Variants in CNTN3 observed in about 807,000 individuals in gnomAD.
The protein encoded by CNTN3 is contactin-3.
A neutral mutation model predicts 119.1 loss-of-function variants in CNTN3; 60 were observed. The observed-to-expected ratio is 0.50, with a 90% CI of 0.41 to 0.62. The LOEUF (loss-of-function observed/expected upper bound fraction) is 0.62, where lower values mean the gene tolerates loss of function less well. Ranked by LOEUF, CNTN3 falls within the 20% of genes least tolerant of loss-of-function variation. The pLI, the probability that CNTN3 is intolerant of heterozygous loss-of-function variation, is 0.00. For synonymous variants in CNTN3, 450 were observed against 438.7 expected, an observed-to-expected ratio of 1.03 and a Z score of -0.32; for missense variants, 1,101 against 1,242.4, an observed-to-expected ratio of 0.89 and a Z score of 1.71.
intron 2 of CNTN3, among the ~76,000 whole-genome samples, chr3:74,509,942 G>A (rs997357202): frequency 3.3e-5 from 5 of 151,230 alleles, no homozygotes; most frequent in Non-Finnish European, 5.9e-5. Flanking sequence ...CCTCATCCCC[G>A]GGCTTTATAC....
chr3:74,564,449 T>G (rs1199588627), intron 1 of CNTN3, among the ~76,000 whole-genome samples: 5 of 151,826 alleles, frequency 3.3e-5, no homozygotes, highest in Non-Finnish European at 7.4e-5. Context: ...AGCAAGAAAG[T>G]GGCCTCATGA....
At chr3:74,552,170 G>T (rs1704002246) in intron 1 of CNTN3, among the ~76,000 whole-genome samples, 2 of 152,118 alleles carry the variant, frequency 1.3e-5, no homozygotes, top group Admixed American at 1.3e-4. Flanking sequence ...CTTTATGGTT[G>T]TACCACAATT....
intron 4 of CNTN3, among the ~76,000 whole-genome samples, chr3:74,446,098 A>G (rs563460136): frequency 1.3e-5 from 2 of 152,306 alleles, no homozygotes; most frequent in East Asian, 3.9e-4. Flanking sequence ...CTGCAGAGTC[A>G]GAAGAACTGG....
intron 1 of CNTN3, among the ~76,000 whole-genome samples, chr3:74,575,231 T>G (rs942979766): frequency 6.6e-6 from 1 of 152,074 alleles, no homozygotes; most frequent in Non-Finnish European, 1.5e-5. Context: ...AAGTGTTTTC[T>G]ATCTATTAAA....
intron 10 of CNTN3, 110 bp downstream of exon 10, chr3:74,364,357 A>G: frequency 1.0e-6 from 1 of 980,522 alleles, no homozygotes; most frequent in East Asian, 2.6e-5. Flanking sequence ...AATACTGTAG[A>G]TATTATTAGA....
At chr3:74,592,552 T>C (rs1704721784) in intron 1 of CNTN3, among the ~76,000 whole-genome samples, 1 of 151,816 alleles carries the variant, frequency 6.6e-6, no homozygotes, top group African/African-American at 2.4e-5. Flanking sequence ...ACACCAGCAC[T>C]TTTTCTAGTT....
intron 2 of CNTN3, among the ~76,000 whole-genome samples, chr3:74,504,738 C>A (rs1382590131): frequency 6.6e-6 from 1 of 150,818 alleles, no homozygotes; most frequent in Non-Finnish European, 1.5e-5. Context: ...CAGCCTTTCA[C>A]TGTGGAGACT....
intron 1 of CNTN3, among the ~76,000 whole-genome samples, chr3:74,536,958 T>C (rs1224010519): frequency 6.7e-6 from 1 of 150,226 alleles, no homozygotes; most frequent in Admixed American, 6.7e-5. Context: ...ACTTCTCCGT[T>C]TTAGACAATT....
intron 4 of CNTN3, among the ~76,000 whole-genome samples, chr3:74,473,162 T>G (rs982485915): frequency 2.7e-5 from 4 of 150,458 alleles, no homozygotes; most frequent in African/African-American, 9.8e-5. Flanking sequence ...ATAAAAAGAT[T>G]GCAAAATAAA....
At chr3:74,524,989 G>T (rs1429381607) in intron 1 of CNTN3, among the ~76,000 whole-genome samples, 1 of 151,720 alleles carries the variant, frequency 6.6e-6, no homozygotes, top group Admixed American at 6.6e-5. Flanking sequence ...GATGTATGGG[G>T]GTCAATCTTG....
At chr3:74,546,227 C>A (rs976750397) in intron 1 of CNTN3, among the ~76,000 whole-genome samples, 1 of 152,146 alleles carries the variant, frequency 6.6e-6, no homozygotes, top group African/African-American at 2.4e-5. Flanking sequence ...GATCTCTTGA[C>A]CTCATGATCA....
Position 74,403,893 on chromosome 3 carries a change from TTTA to T in CNTN3, c.454+20949_454+20951del, listed in dbSNP as rs529602979. Among the ~76,000 whole-genome samples the T allele has an allele frequency of 3.9e-5, 6 of 152,162 alleles. No individual in the cohort carries two copies. The South Asian group carries it at 1.0e-3, about 26-fold the overall frequency. ...CTGTCTACTCTTCTCTTTCCTTTTT[TTTA>T]TTTTTTTGAATCAGGAAACCCCTTA... On this transcript the variant is annotated intron_variant, in intron 5 of 22. Coordinates refer to ENST00000263665, the MANE Select transcript of CNTN3 (RefSeq NM_020872.3).
intron 11 of CNTN3, among the ~76,000 whole-genome samples, chr3:74,338,407 C>T (rs1054259713): frequency 1.3e-5 from 2 of 151,526 alleles, no homozygotes; most frequent in African/African-American, 2.4e-5. Context: ...TATATATATA[C>T]ATATGTGTAT....
chr3:74,291,631 G>A (rs993418758), intron 19 of CNTN3, among the ~76,000 whole-genome samples: 7 of 152,000 alleles, frequency 4.6e-5, no homozygotes, highest in African/African-American at 9.7e-5. Context: ...TGCTTGCCTC[G>A]GCCTCCCAAA....
intron 1 of CNTN3, among the ~76,000 whole-genome samples, chr3:74,581,924 T>C (rs1704516158): frequency 6.6e-6 from 1 of 152,234 alleles, no homozygotes; most frequent in African/African-American, 2.4e-5. Flanking sequence ...TCAATCTTTA[T>C]GTTACTTTAC....
At chr3:74,602,755 C>T (rs557823250) in intron 1 of CNTN3, among the ~76,000 whole-genome samples, 25 of 152,024 alleles carry the variant, frequency 1.6e-4, no homozygotes, top group Non-Finnish European at 3.4e-4. Flanking sequence ...TGCTTACCTC[C>T]CCTTCCTTAA....
At chr3:74,377,119 CAT>C (rs767671351) in intron 5 of CNTN3, among the ~76,000 whole-genome samples, 1 of 151,990 alleles carries the variant, frequency 6.6e-6, no homozygotes, top group Non-Finnish European at 1.5e-5. Context: ...CCCTTAAAGA[CAT>C]AGAAAAAAAT....
Position 74,538,502 on chromosome 3 carries a change from CAT to C in CNTN3, c.-80-17312_-80-17311del, listed in dbSNP as rs1575816091. The stretch of plus-strand genomic sequence containing the variant: ...ACTTAGCAAAACGGGTGCTTTGAGA[CAT>C]ATTTTCAAGGAACAACAAAAAGGAT... On this transcript the variant is annotated intron_variant, in intron 1 of 22. Coordinates refer to ENST00000263665, the MANE Select transcript of CNTN3 (RefSeq NM_020872.3). Among the ~76,000 whole-genome samples, 5 of 152,192 alleles carry C rather than the reference CAT, an allele frequency of 3.3e-5. No homozygotes were observed. The East Asian group carries it at 9.7e-4, about 30-fold the overall frequency.
intron 1 of CNTN3, among the ~76,000 whole-genome samples, chr3:74,541,464 T>C (rs1232639318): frequency 6.6e-6 from 1 of 151,862 alleles, no homozygotes; most frequent in South Asian, 2.1e-4. Context: ...CAAAAACATA[T>C]CAAATTGAAA....
Sources: gnomAD v4.1 joint callset for allele counts (sites outside exome capture counted in the v4.1 genomes callset) on GRCh38, gnomAD v4.1.1 for gene constraint, MANE v1.5 for transcripts, NCBI Gene and HGNC (gene_info 2026-07-23, HGNC 2026-07-21) for gene names.